AARS1: variants seen among roughly 807,000 people sequenced by gnomAD.
AARS1 encodes the protein alanyl-tRNA synthetase 1.
AARS1 carries 72 observed loss-of-function variants against 108.9 expected under a neutral mutation model. The observed-to-expected ratio is 0.66, with a 90% CI of 0.55 to 0.80. AARS1 has a LOEUF of 0.80. AARS1 is among the 30% of genes least tolerant of loss of function. AARS1 has a pLI of 0.00. For synonymous variants in AARS1, 489 were observed against 465.7 expected, an observed-to-expected ratio of 1.05 and a Z score of -0.64; for missense variants, 1,193 against 1,233.2, an observed-to-expected ratio of 0.97 and a Z score of 0.49.
chr16:70,283,141 G>A (rs1309698623), intron 1 of AARS1, among the ~76,000 whole-genome samples: 3 of 152,328 alleles, frequency 2.0e-5, no homozygotes, highest in Non-Finnish European at 2.9e-5. Flanking sequence ...GCTCACGCCT[G>A]TAATCCCAAC....
Position 70,259,163 on chromosome 16 carries a change from G to A in AARS1, c.1809C>T (p.Ser603=), listed in dbSNP as rs1006948771. ...TCAGAATGTGCGTAGCTGTGTGGTT[G>A]CTCATGATGGGTCTTCGTCGGGGCT... ...IDEPRRRPIM[S]NHTATHILNF... The change falls in exon 14 of 21, where the codon AGC becomes AGT. Residue 603 remains serine, a synonymous_variant. Transcript: ENST00000261772. 2 of 1,614,164 alleles carry A rather than the reference G, an allele frequency of 1.2e-6. No individual in the cohort carries two copies. The highest frequency in any genetic ancestry group is 1.7e-6 in the Non-Finnish European group (2 of 1,180,044).
At chr16:70,270,578 C>A (rs1960373634) in intron 5 of AARS1, among the ~76,000 whole-genome samples, 2 of 152,052 alleles carry the variant, frequency 1.3e-5, no homozygotes, top group Admixed American at 6.6e-5. Context: ...GTGGCTCATG[C>A]CTGTAATCCC....
At chr16:70,288,755 C>A (rs1056114390) in intron 1 of AARS1, among the ~76,000 whole-genome samples, 25 of 151,518 alleles carry the variant, frequency 1.6e-4, no homozygotes, top group African/African-American at 6.1e-4. Flanking sequence ...TTAGTAAAGA[C>A]GGGGTTTCAC....
At chr16:70,278,080 A>G (rs889233193) in intron 2 of AARS1, among the ~76,000 whole-genome samples, 1 of 151,988 alleles carries the variant, frequency 6.6e-6, no homozygotes, top group Non-Finnish European at 1.5e-5. Flanking sequence ...TGACCATGTA[A>G]AACTGAATTA....
At chr16:70,282,324 G>C (rs962071840) in intron 2 of AARS1, among the ~76,000 whole-genome samples, 6 of 83,262 alleles carry the variant, frequency 7.2e-5, no homozygotes, top group African/African-American at 3.3e-4. Context: ...GCGAGACTCC[G>C]TCTCAGGAAA....
In AARS1 at chr16:70,268,377, T is replaced by G; in HGVS notation, c.965A>C (p.Tyr322Ser). The change falls in exon 8 of 21, where the codon TAT (tyrosine) becomes TCT (serine). Residue 322 changes from tyrosine to serine, a missense_variant and splice_region_variant. By Grantham distance (144) the Tyr-to-Ser change is moderately radical (BLOSUM62 -2). Transcript: ENST00000261772. Reference protein sequence around the residue: ...GGRPDNTGRGYVLRRILRRAV... With the variant: ...GGRPDNTGRGSVLRRILRRAV... ...TCGGCGGAGAATCCGTCTCAACACA[T>G]ATCTGTAAGAGGCAAAAACTAGTCC... is the stretch of plus-strand genomic sequence containing the variant. 6.2e-7 allele frequency: 1 copy of G among 1,614,002 alleles called. No individual in the cohort carries two copies. The highest frequency in any genetic ancestry group is 1.3e-5 in the African/African-American group (1 of 75,046).
intron 11 of AARS1, among the ~76,000 whole-genome samples, chr16:70,264,609 G>A (rs947376521): frequency 5.3e-5 from 8 of 152,084 alleles, no homozygotes; most frequent in Admixed American, 4.6e-4. Flanking sequence ...GAGGCACAGC[G>A]CCAGGCCCCT....
chr16:70,257,685 C>T (rs1960024263), intron 15 of AARS1, among the ~76,000 whole-genome samples: 1 of 152,184 alleles, frequency 6.6e-6, no homozygotes, highest in African/African-American at 2.4e-5. Flanking sequence ...GCTAGGCCCA[C>T]ATCAAGAGCT....
At chr16:70,272,778 TG>T (rs11418378) in intron 4 of AARS1, among the ~76,000 whole-genome samples, 20 of 149,948 alleles carry the variant, frequency 1.3e-4, no homozygotes, top group Non-Finnish European at 2.7e-4. Context: ...AAAAATTAGC[TG>T]GGGGGGTGAT....
At chr16:70,274,175 G>GA (rs771914676) in intron 4 of AARS1, among the ~76,000 whole-genome samples, 1,929 of 101,664 alleles carry the variant, frequency 0.019, 28 homozygotes, top group African/African-American at 0.057. Context: ...TCTCTACTAA[G>GA]AAAAAAAAAA....
At chr16:70,268,965 G>C (rs897107386) in intron 7 of AARS1, among the ~76,000 whole-genome samples, 4 of 152,186 alleles carry the variant, frequency 2.6e-5, no homozygotes, top group African/African-American at 9.6e-5. Context: ...CCATCACTTT[G>C]GGAGGTCGTA....
chr16:70,288,496 G>A (rs1045693608), intron 1 of AARS1, among the ~76,000 whole-genome samples: 1 of 151,492 alleles, frequency 6.6e-6, no homozygotes, highest in South Asian at 2.1e-4. Flanking sequence ...GCGCTTCATG[G>A]ATTGTTTAAT....
intron 14 of AARS1, 87 bp downstream of exon 14, chr16:70,258,893 A>C: frequency 7.0e-7 from 1 of 1,427,644 alleles, no homozygotes; most frequent in South Asian, 1.2e-5. Flanking sequence ...AATCTGATAC[A>C]ACAGAGTGAG....
At chr16:70,268,413 C>T (rs761202062) in intron 7 of AARS1, 34 bp from the exon 8 acceptor site, 2 of 1,592,922 alleles carry the variant, frequency 1.3e-6, no homozygotes, top group Non-Finnish European at 1.7e-6. Context: ...CCAACGTTCC[C>T]AGCTGAGGGT....
intron 4 of AARS1, among the ~76,000 whole-genome samples, chr16:70,273,429 A>T (rs1265077773): frequency 3.9e-5 from 6 of 152,190 alleles, no homozygotes; most frequent in Non-Finnish European, 8.8e-5. Flanking sequence ...ATTATGCCAA[A>T]AAAACTGGCT....
At chr16:70,260,950 C>G in intron 13 of AARS1, 94 bp downstream of exon 13, 1 of 1,013,778 alleles carries the variant, frequency 9.9e-7, no homozygotes, top group Admixed American at 1.9e-5. Context: ...GTGTGAGCCA[C>G]CACACCCGGC....
chr16:70,277,115 G>A lies in AARS1; in HGVS notation c.184C>T (p.Pro62Ser). ...GCAGCTCTGCTCAGCTTTGCCATGG[G>A]GTGAGATGGGTCAATTGTGTTCAGG... ...IFLNTIDPSH[P>S]MAKLSRAANT... The change falls in exon 3 of 21, where the codon CCC (proline) becomes TCC (serine). Residue 62 changes from proline (P) to serine (S), a missense_variant. By Grantham distance (74) the Pro-to-Ser change is moderately conservative. Transcript: ENST00000261772. The A allele has an allele frequency of 1.9e-6, 3 of 1,614,132 alleles. No homozygotes were observed. Among genetic ancestry groups the A allele is most frequent in the Non-Finnish European group, 2.5e-6 (3 of 1,180,032 alleles).
chr16:70,271,092 T>C (rs950459460), intron 5 of AARS1, among the ~76,000 whole-genome samples: 18 of 151,898 alleles, frequency 1.2e-4, no homozygotes, highest in Non-Finnish European at 2.1e-4. Flanking sequence ...GGAGAATCGC[T>C]TGAACCCAGC....
chr16:70,276,628 A>G lies in AARS1; in HGVS notation c.337T>C (p.Leu113=), dbSNP rs753375843. The change falls in exon 4 of 21, where the codon TTG becomes CTG. Residue 113 remains leucine (L), a synonymous_variant. Transcript: ENST00000261772. ...AGTTCCAGAGCCATCTTACATGCCA[A>G]TTCCTACAAAAAGAACAGAGAGAAA... is the stretch of plus-strand genomic sequence containing the variant. ...SWSFGDYFKE[L]ACKMALELLT... is the part of the protein sequence containing the mutation. The G allele has an allele frequency of 8.1e-6, 13 of 1,613,982 alleles. No individual in the cohort carries two copies. Among genetic ancestry groups the G allele is most frequent in the African/African-American group, 1.3e-5 (1 of 75,058 alleles).
Sources: allele counts gnomAD v4.1 joint callset (sites outside exome capture counted in the v4.1 genomes callset), GRCh38; gene constraint gnomAD v4.1.1; transcripts MANE v1.5; gene names NCBI Gene and HGNC (gene_info 2026-07-23, HGNC 2026-07-21).